The following HSF2 variants were observed in gnomAD, a reference collection of about 807,000 sequenced individuals.
The protein encoded by HSF2 is heat shock transcription factor 2, also known as heat shock factor protein 2.
Under a neutral mutation model 65.0 loss-of-function variants are expected in HSF2, and 21 were observed. The observed-to-expected ratio is 0.32, with a 90% CI of 0.23 to 0.47. HSF2 has a LOEUF of 0.47. Ranked by LOEUF, HSF2 falls within the 20% of genes least tolerant of loss-of-function variation. HSF2 has a pLI of 1.00. For missense variants in HSF2, 499 were observed against 628.1 expected (o/e 0.79, Z 2.20); for synonymous variants, 225 against 219.1 (o/e 1.03, Z -0.24).
At chr6:122,427,308 T>G (rs572892799) in intron 10 of HSF2, among the ~76,000 whole-genome samples, 1 of 152,068 alleles carries the variant, frequency 6.6e-6, no homozygotes, top group East Asian at 1.9e-4. Context: ...CTTTAAAGCT[T>G]ATGACTTATA....
At chr6:122,420,708 T>C in intron 7 of HSF2, among the ~76,000 whole-genome samples, 3 of 94,478 alleles carry the variant, frequency 3.2e-5, no homozygotes, top group African/African-American at 8.5e-5. Flanking sequence ...TTCTTTTTTT[T>C]TTTTTTTTTT....
chr6:122,418,689 C>T (rs911794647), intron 5 of HSF2, among the ~76,000 whole-genome samples: 38 of 152,156 alleles, frequency 2.5e-4, no homozygotes, highest in African/African-American at 8.9e-4. Flanking sequence ...CCAGGCTGGT[C>T]TCCGACTCCT....
At position 122,422,894 on chromosome 6, in the gene HSF2, C is replaced by G. The variant is rs769528436; in HGVS notation, c.1007C>G (p.Thr336Ser). ...CAGCTAAATGGCTCATCCAGTCTGA[C>G]CTCAGAAGATCCAGTGACCATGATG... ...AVQLNGSSSL[T>S]SEDPVTMMDS... The change falls in exon 9 of 13, where the codon ACC becomes AGC. Residue 336 changes from threonine (T) to serine (S), a missense_variant. Coordinates refer to ENST00000368455, the MANE Select transcript of HSF2 (RefSeq NM_004506.4). 8 of 1,613,534 alleles carry G rather than the reference C, an allele frequency of 5.0e-6. No individual in the cohort carries two copies. The South Asian group carries it at 6.6e-5, about 13-fold the overall frequency.
At chr6:122,416,393 T>C in intron 5 of HSF2, 97 bp downstream of exon 5, 1 of 689,680 alleles carries the variant, frequency 1.4e-6, no homozygotes, top group Non-Finnish European at 2.5e-6. Flanking sequence ...GTGATTGATC[T>C]TAGTTTCTTA....
chr6:122,411,098 C>A (rs1318086786), intron 1 of HSF2, among the ~76,000 whole-genome samples: 1 of 151,706 alleles, frequency 6.6e-6, no homozygotes, highest in Admixed American at 6.6e-5. Context: ...ATTCCAATTT[C>A]TCCACTTCCT....
Position 122,422,179 on chromosome 6 carries a change from G to T in HSF2, c.711G>T (p.Lys237Asn). 1 of 1,606,848 alleles carries T rather than the reference G, an allele frequency of 6.2e-7. No homozygotes were observed. The highest frequency in any genetic ancestry group is 8.5e-7 in the Non-Finnish European group (1 of 1,175,150). ...KVPHSRTEGL[K>N]PRERISDDII... ...CACACAGTAGGACTGAAGGTTTAAAGCCAAGGGAGAGGATTTCAGATGACA... is the reference window on the plus strand; with the variant it reads ...CACACAGTAGGACTGAAGGTTTAAATCCAAGGGAGAGGATTTCAGATGACA... The change falls in exon 8 of 13, where the codon AAG (lysine) becomes AAT (asparagine). Residue 237 changes from lysine to asparagine, a missense_variant. Coordinates refer to ENST00000368455, the MANE Select transcript of HSF2 (RefSeq NM_004506.4).
chr6:122,423,666 G>A lies in HSF2; in HGVS notation c.1156G>A (p.Asp386Asn). ...AMLSGRQFSI[D>N]PDLLVDLFTS... ...GCTATCAGGAAGACAATTTAGCATA[G>A]ACCCAGATCTCCTGGTTGATGTAGG... The change falls in exon 10 of 13, where the codon GAC becomes AAC. Residue 386 changes from aspartate to asparagine, a missense_variant. Asp to Asn is a conservative substitution (Grantham distance 23). Around this residue, in one of 2 missense-constraint regions of HSF2, gnomAD observed 349 missense variants for 393.5 expected, o/e 0.89. Transcript: ENST00000368455. 2 of 1,603,064 alleles carry A rather than the reference G, an allele frequency of 1.2e-6. No homozygotes were observed. The highest frequency in any genetic ancestry group is 2.2e-5 in the South Asian group (2 of 90,136).
chr6:122,427,673 T>C (rs1043579752), intron 10 of HSF2, among the ~76,000 whole-genome samples: 16 of 152,008 alleles, frequency 1.1e-4, no homozygotes, highest in African/African-American at 3.9e-4. Flanking sequence ...ACCCCAATGT[T>C]TTTTAGAGAA....
chr6:122,399,638 C>A, upstream of HSF2: 1 of 954,914 alleles, frequency 1.0e-6, no homozygotes, highest in Admixed American at 2.1e-5. Context: ...ATCTGCTGCG[C>A]CTGCGTTGTG....
At position 122,413,632 on chromosome 6, in the gene HSF2, G is replaced by A. The variant is rs752007728; in HGVS notation, c.438G>A (p.Arg146=). The A allele has an allele frequency of 2.5e-6, 4 of 1,605,812 alleles. No homozygotes were observed. The highest frequency in any genetic ancestry group is 1.7e-5 in the Admixed American group (1 of 59,462). The change falls in exon 4 of 13, where the codon AGG becomes AGA. Residue 146 remains arginine (R), a synonymous_variant. Transcript: ENST00000368455. ...VQIKQETIES[R]LSELKSENES... ...TAAAACAGGAAACTATTGAGTCCAG[G>A]CTTTCTGAATTAAAAAGGTAAAGTG...
At chr6:122,413,433 A>T (rs1044425114) in intron 3 of HSF2, 92 bp from the exon 4 acceptor site, 1 of 865,434 alleles carries the variant, frequency 1.2e-6, no homozygotes, top group African/African-American at 1.7e-5. Flanking sequence ...CTTCCTGAAC[A>T]GGCTACGAAA....
At chr6:122,419,374 C>T in intron 6 of HSF2, 145 bp downstream of exon 6, 1 of 504,892 alleles carries the variant, frequency 2.0e-6, no homozygotes, top group Non-Finnish European at 3.6e-6. Context: ...CTCTTAAAAT[C>T]TCTAGAGTAG....
At chr6:122,406,093 C>T (rs372974586) in intron 1 of HSF2, among the ~76,000 whole-genome samples, 2 of 152,050 alleles carry the variant, frequency 1.3e-5, no homozygotes, top group East Asian at 3.9e-4. Flanking sequence ...TCTTTTATCC[C>T]CTGCTGACAG....
At chr6:122,411,167 A>G (rs1253288274) in intron 1 of HSF2, among the ~76,000 whole-genome samples, 4 of 151,594 alleles carry the variant, frequency 2.6e-5, no homozygotes, top group African/African-American at 9.7e-5. Context: ...GTGCAGTGGT[A>G]TATTGTTTTA....
chr6:122,422,841 C>T lies in HSF2; in HGVS notation c.954C>T (p.Gly318=). 2 of 1,613,732 alleles carry T rather than the reference C, an allele frequency of 1.2e-6. No homozygotes were observed. Among genetic ancestry groups the T allele is most frequent in the Admixed American group, 1.7e-5 (1 of 59,904 alleles). Residue 318 remains glycine (G), a synonymous_variant, in exon 9 of 13, where the codon GGC becomes GGT. Coordinates refer to ENST00000368455, the MANE Select transcript of HSF2 (RefSeq NM_004506.4). Reference sequence around the variant, plus strand: ...AATCCCTAAGTTCAGGCAGTGATGGCAGCAGCCCTCTCATGTCTAGTGCTG... The same window carrying T: ...AATCCCTAAGTTCAGGCAGTGATGGTAGCAGCCCTCTCATGTCTAGTGCTG... ...ARESLSSGSD[G]SSPLMSSAVQ...
chr6:122,403,765 C>A (rs1773797261), intron 1 of HSF2, among the ~76,000 whole-genome samples: 1 of 151,934 alleles, frequency 6.6e-6, no homozygotes, highest in South Asian at 2.1e-4. Flanking sequence ...CTTTGGTAGT[C>A]TGTTGTCAGA....
chr6:122,404,693 A>G (rs1773824401), intron 1 of HSF2, among the ~76,000 whole-genome samples: 1 of 152,110 alleles, frequency 6.6e-6, no homozygotes, highest in South Asian at 2.1e-4. Context: ...TTCCCACCTC[A>G]CTCAGTAGTA....
intron 4 of HSF2, among the ~76,000 whole-genome samples, 158 bp from the exon 5 acceptor site, chr6:122,416,063 A>G (rs1270641996): frequency 1.3e-5 from 2 of 152,212 alleles, no homozygotes; most frequent in Admixed American, 1.3e-4. Context: ...GGTAGTTGTC[A>G]TTCCTATGTA....
Position 122,422,671 on chromosome 6 carries a change from A to C in HSF2, c.831-47A>C, listed in dbSNP as rs570240423. ...TAGAATGAATGGATAGTATGAACTT[A>C]TTAAATTTGAAAATGTAATAGGTTC... On this transcript the variant is annotated intron_variant, in intron 8 of 12. Transcript: ENST00000368455. 1.6e-5 allele frequency: 26 copies of C among 1,594,108 alleles called. No individual in the cohort carries two copies. The Middle Eastern group carries it at 5.6e-4, about 34-fold the overall frequency.
Sources: gnomAD v4.1 joint callset for allele counts (sites outside exome capture counted in the v4.1 genomes callset) on GRCh38, gnomAD v4.1.1 for gene constraint, gnomAD v4.1.1 regional missense constraint, MANE v1.5 for transcripts, NCBI Gene and HGNC (gene_info 2026-07-23, HGNC 2026-07-21) for gene names.